The following GOLM2 variants were observed in gnomAD, a reference collection of about 807,000 sequenced individuals.
GOLM2 encodes golgi membrane protein 2, also known as protein GOLM2.
GOLM2 carries 26 observed loss-of-function variants against 55.9 expected under a neutral mutation model. The observed-to-expected ratio is 0.47, with a 90% CI of 0.34 to 0.65. The LOEUF is 0.65. GOLM2 is among the 30% of genes least tolerant of loss of function. GOLM2 has a pLI of 0.01. For missense variants in GOLM2, 486 were observed against 531.8 expected (o/e 0.91, Z 0.85); for synonymous variants, 165 against 194.6 (o/e 0.85, Z 1.27).
chr15:44,400,637 C>T (rs1002411969), intron 8 of GOLM2, among the ~76,000 whole-genome samples: 6 of 133,974 alleles, frequency 4.5e-5, no homozygotes, highest in Admixed American at 8.4e-5. Context: ...AGTACAGTGG[C>T]GCAATCTCAG....
chr15:44,291,182 A>G (rs2078718658), intron 1 of GOLM2, among the ~76,000 whole-genome samples: 1 of 150,176 alleles, frequency 6.7e-6, no homozygotes, highest in Admixed American at 6.7e-5. Context: ...TTACACAGGC[A>G]TGATGCACTA....
intron 6 of GOLM2, among the ~76,000 whole-genome samples, chr15:44,367,285 G>C (rs2079292489): frequency 7.0e-6 from 1 of 143,808 alleles, no homozygotes; most frequent in Non-Finnish European, 1.5e-5. Context: ...ACACAAATTT[G>C]AATCCTTCCT....
At chr15:44,389,637 A>C (rs887773416) in intron 8 of GOLM2, among the ~76,000 whole-genome samples, 7 of 152,194 alleles carry the variant, frequency 4.6e-5, no homozygotes, top group African/African-American at 1.7e-4. Flanking sequence ...CTATTAGAAA[A>C]GGAGGGGAAG....
chr15:44,367,473 C>G (rs1423177150), intron 6 of GOLM2, among the ~76,000 whole-genome samples: 2 of 152,012 alleles, frequency 1.3e-5, no homozygotes, highest in African/African-American at 2.4e-5. Context: ...TGGGCTGATA[C>G]GTTGAGGGCA....
intron 6 of GOLM2, among the ~76,000 whole-genome samples, chr15:44,366,857 T>C (rs1484955204): frequency 6.6e-6 from 1 of 151,982 alleles, no homozygotes; most frequent in Admixed American, 6.6e-5. Flanking sequence ...AACAAGACCC[T>C]GTCAAAGAAA....
chr15:44,372,470 C>A lies in GOLM2; in HGVS notation c.803-7220C>A, dbSNP rs146767804. ...CTCAGAGTAGGGGCTGCAACTGAAG[C>A]CTAAAAGAGAAGTAGAGGACGATTA... On this transcript the variant is annotated intron_variant, in intron 6 of 9. Transcript: ENST00000299957. 3.6e-3 allele frequency among the ~76,000 whole-genome samples: 554 copies of A among 152,218 alleles called. 4 individuals carry two copies. Among genetic ancestry groups the A allele is most frequent in the African/African-American group, 0.013 (523 of 41,514 alleles).
chr15:44,395,824 A>AC (rs1595666226), intron 8 of GOLM2, among the ~76,000 whole-genome samples: 1 of 152,112 alleles, frequency 6.6e-6, no homozygotes, highest in East Asian at 1.9e-4. Context: ...TGGCGATAGA[A>AC]CAAGACTCCG....
chr15:44,365,696 G>A (rs540913718), intron 6 of GOLM2, among the ~76,000 whole-genome samples: 1 of 152,232 alleles, frequency 6.6e-6, no homozygotes, highest in South Asian at 2.1e-4. Flanking sequence ...TAGAGAGAGA[G>A]AGGATGAATA....
At chr15:44,309,475 T>C (rs2078859524) in intron 1 of GOLM2, among the ~76,000 whole-genome samples, 1 of 152,150 alleles carries the variant, frequency 6.6e-6, no homozygotes, top group Non-Finnish European at 1.5e-5. Flanking sequence ...AAAAAAGTAA[T>C]TGAGAAAAAA....
chr15:44,302,223 C>T (rs1220282622), intron 1 of GOLM2, among the ~76,000 whole-genome samples: 2 of 150,764 alleles, frequency 1.3e-5, no homozygotes, highest in African/African-American at 4.9e-5. Context: ...TGGCTCACTG[C>T]AACCTCTGTC....
intron 1 of GOLM2, 42 bp from the exon 2 acceptor site, chr15:44,322,923 C>A: frequency 7.2e-7 from 1 of 1,389,996 alleles, no homozygotes; most frequent in Non-Finnish European, 9.9e-7. Flanking sequence ...ATGAACAAAA[C>A]TACATATTTT....
chr15:44,331,983 T>C lies in GOLM2; in HGVS notation c.486-5T>C. ...ATAATCTAAAAGAATGACTTTGTAA[T>C]TTAGTTTTCAGTGTGGACAGCAGAT... On this transcript the variant is annotated splice_region_variant and splice_polypyrimidine_tract_variant and intron_variant, in intron 3 of 9. Transcript: ENST00000299957. The C allele has an allele frequency of 6.3e-7, 1 of 1,586,454 alleles. No individual in the cohort carries two copies. Among genetic ancestry groups the C allele is most frequent in the Admixed American group, 1.7e-5 (1 of 59,332 alleles).
At chr15:44,347,346 G>T (rs1595639468) in intron 6 of GOLM2, among the ~76,000 whole-genome samples, 1 of 152,202 alleles carries the variant, frequency 6.6e-6, no homozygotes, top group Non-Finnish European at 1.5e-5. Context: ...GTCTTGAATT[G>T]AAGACACCAC....
chr15:44,323,588 A>G (rs1258520941), intron 2 of GOLM2, among the ~76,000 whole-genome samples: 1 of 151,522 alleles, frequency 6.6e-6, no homozygotes, highest in Non-Finnish European at 1.5e-5. Flanking sequence ...AAGCCCTGCA[A>G]TCTGCTTATG....
intron 6 of GOLM2, among the ~76,000 whole-genome samples, chr15:44,374,206 C>T (rs1386743231): frequency 6.6e-6 from 1 of 152,094 alleles, no homozygotes; most frequent in South Asian, 2.1e-4. Flanking sequence ...AGGATAAAAA[C>T]TATATGCTCT....
At chr15:44,409,278 C>T (rs1282746682) in intron 9 of GOLM2, among the ~76,000 whole-genome samples, 2 of 146,806 alleles carry the variant, frequency 1.4e-5, no homozygotes, top group Non-Finnish European at 3.0e-5. Flanking sequence ...AGCAAGACTC[C>T]GTCTCAAAAA....
chr15:44,351,237 CT>C (rs1329659866), intron 6 of GOLM2, among the ~76,000 whole-genome samples: 1 of 151,950 alleles, frequency 6.6e-6, no homozygotes, highest in Non-Finnish European at 1.5e-5. Context: ...TTAAGCACTG[CT>C]ATTTAACCTA....
chr15:44,400,682 T>G (rs2079559528), intron 8 of GOLM2, among the ~76,000 whole-genome samples: 1 of 147,510 alleles, frequency 6.8e-6, no homozygotes, highest in Non-Finnish European at 1.5e-5. Context: ...GTTCACACCA[T>G]TCTCCTGCCT....
intron 8 of GOLM2, among the ~76,000 whole-genome samples, chr15:44,399,304 G>T (rs1408557265): frequency 1.3e-5 from 2 of 152,092 alleles, no homozygotes; most frequent in African/African-American, 4.8e-5. Flanking sequence ...TGTGTAAGTT[G>T]GTTCTGTGTT....
Sources: allele counts gnomAD v4.1 joint callset (sites outside exome capture counted in the v4.1 genomes callset), GRCh38; gene constraint gnomAD v4.1.1; transcripts MANE v1.5; gene names NCBI Gene and HGNC (gene_info 2026-07-23, HGNC 2026-07-21).